NFIA: variants seen among roughly 807,000 people sequenced by gnomAD.
NFIA encodes the protein nuclear factor I A.
NFIA carries 8 observed loss-of-function variants against 62.8 expected under a neutral mutation model. The ratio of observed to expected loss-of-function variants is 0.13; its 90% CI spans 0.07 to 0.23. The LOEUF is 0.23. Among genes scored for constraint, NFIA ranks in the 10% least tolerant of loss-of-function variants. The pLI, the probability that NFIA is intolerant of heterozygous loss-of-function variation, is 1.00. For missense variants in NFIA, 410 were observed against 642.1 expected (o/e 0.64, Z 3.91); for synonymous variants, 235 against 238.1 (o/e 0.99, Z 0.12).
chr1:61,200,833 G>A (rs180873345), intron 2 of NFIA, among the ~76,000 whole-genome samples: 4 of 152,316 alleles, frequency 2.6e-5, no homozygotes, highest in Admixed American at 2.0e-4. Context: ...ATTTCTAACT[G>A]TGATAATAGC....
intron 2 of NFIA, among the ~76,000 whole-genome samples, chr1:61,092,511 C>G (rs1318084086): frequency 6.6e-6 from 1 of 152,160 alleles, no homozygotes; most frequent in African/African-American, 2.4e-5. Context: ...ACTGAAGGAG[C>G]TGTTTCAGTG....
chr1:61,277,401 A>T, intron 2 of NFIA, 119 bp from the exon 3 acceptor site: 1 of 843,792 alleles, frequency 1.2e-6, no homozygotes, highest in Non-Finnish European at 1.9e-6. Flanking sequence ...GTCTCATGTC[A>T]TTTCTGTAAT....
chr1:61,439,784 G>A (rs922498762), intron 10 of NFIA, among the ~76,000 whole-genome samples: 2 of 152,166 alleles, frequency 1.3e-5, no homozygotes, highest in Non-Finnish European at 2.9e-5. Flanking sequence ...ATGGTATTAG[G>A]AGAAACTTAT....
intron 3 of NFIA, among the ~76,000 whole-genome samples, chr1:61,313,840 T>G (rs1660236339): frequency 6.6e-6 from 1 of 152,212 alleles, no homozygotes; most frequent in Non-Finnish European, 1.5e-5. Flanking sequence ...ACTCGTGCAA[T>G]TAGGGAACAG....
At chr1:61,287,771 T>C (rs1383318355) in intron 3 of NFIA, among the ~76,000 whole-genome samples, 1 of 152,224 alleles carries the variant, frequency 6.6e-6, no homozygotes, top group Non-Finnish European at 1.5e-5. Context: ...ATTGTTTGTC[T>C]AGACCAAGTT....
chr1:61,299,718 T>A (rs1346329590), intron 3 of NFIA, among the ~76,000 whole-genome samples: 1 of 152,158 alleles, frequency 6.6e-6, no homozygotes, highest in Non-Finnish European at 1.5e-5. Context: ...AAGCTGTTTG[T>A]ATTACAATGC....
At chr1:61,297,333 T>C (rs189018520) in intron 3 of NFIA, among the ~76,000 whole-genome samples, 1 of 152,284 alleles carries the variant, frequency 6.6e-6, no homozygotes, top group African/African-American at 2.4e-5. Flanking sequence ...GGCAGTGCCA[T>C]TAACCTTAGC....
chr1:61,358,846 G>C (rs1180007356), intron 5 of NFIA, among the ~76,000 whole-genome samples: 1 of 151,994 alleles, frequency 6.6e-6, no homozygotes, highest in Non-Finnish European at 1.5e-5. Flanking sequence ...AACACTTCCA[G>C]GTGGAGGCAG....
intron 2 of NFIA, among the ~76,000 whole-genome samples, chr1:61,214,223 C>T (rs1653458674): frequency 6.6e-6 from 1 of 151,936 alleles, no homozygotes; most frequent in South Asian, 2.1e-4. Context: ...AGGAGGGGGC[C>T]CACTCTTTTG....
At chr1:61,360,255 G>A (rs925676500) in intron 6 of NFIA, among the ~76,000 whole-genome samples, 3 of 152,148 alleles carry the variant, frequency 2.0e-5, no homozygotes, top group Non-Finnish European at 4.4e-5. Flanking sequence ...CCTTTCCAAT[G>A]TCTAACACGT....
intron 3 of NFIA, among the ~76,000 whole-genome samples, chr1:61,309,280 T>C (rs969642647): frequency 4.7e-5 from 7 of 150,324 alleles, no homozygotes; most frequent in African/African-American, 1.7e-4. Flanking sequence ...AATCTTGGAG[T>C]CTTGACTCCT....
intron 2 of NFIA, among the ~76,000 whole-genome samples, chr1:61,256,205 A>T (rs901231154): frequency 2.0e-5 from 3 of 152,042 alleles, no homozygotes; most frequent in Non-Finnish European, 4.4e-5. Flanking sequence ...AGGCGGGTGG[A>T]TCATTTGAGG....
chr1:61,094,193 T>C (rs1224684502), intron 2 of NFIA, among the ~76,000 whole-genome samples: 1 of 152,240 alleles, frequency 6.6e-6, no homozygotes, highest in Non-Finnish European at 1.5e-5. Flanking sequence ...GAGCTTGCTT[T>C]TGAATTATTA....
At chr1:61,266,015 T>C (rs1657139368) in intron 2 of NFIA, among the ~76,000 whole-genome samples, 1 of 152,234 alleles carries the variant, frequency 6.6e-6, no homozygotes, top group South Asian at 2.1e-4. Flanking sequence ...ATGAGAGTCT[T>C]AGCCTTGAAT....
chr1:61,207,682 A>T (rs549331453), intron 2 of NFIA, among the ~76,000 whole-genome samples: 1 of 152,058 alleles, frequency 6.6e-6, no homozygotes, highest in Admixed American at 6.5e-5. Flanking sequence ...GTGAAGTGGG[A>T]TTTTTGTGGC....
intron 2 of NFIA, among the ~76,000 whole-genome samples, chr1:61,207,974 CTTTTTT>C (rs11444962): frequency 3.5e-5 from 4 of 115,432 alleles, no homozygotes; most frequent in South Asian, 5.5e-4. Context: ...TGCACTGAAC[CTTTTTT>C]TTTTTTTTTT....
intron 2 of NFIA, among the ~76,000 whole-genome samples, chr1:61,190,295 C>A (rs1244683994): frequency 6.6e-6 from 1 of 152,176 alleles, no homozygotes; most frequent in African/African-American, 2.4e-5. Context: ...CTAATTAATT[C>A]TTTCCGCAGC....
intron 2 of NFIA, among the ~76,000 whole-genome samples, chr1:61,101,173 A>G (rs543818487): frequency 1.3e-5 from 2 of 152,196 alleles, no homozygotes; most frequent in African/African-American, 4.8e-5. Flanking sequence ...AGGCAGGCAC[A>G]TCACCTGAGG....
chr1:61,222,795 C>T (rs756116026), intron 2 of NFIA, among the ~76,000 whole-genome samples: 22 of 151,988 alleles, frequency 1.4e-4, no homozygotes, highest in Non-Finnish European at 2.8e-4. Flanking sequence ...AGTGAGCTCT[C>T]ATTTATTATA....
Sources: gnomAD v4.1 joint callset for allele counts (sites outside exome capture counted in the v4.1 genomes callset) on GRCh38, gnomAD v4.1.1 for gene constraint, MANE v1.5 for transcripts, NCBI Gene and HGNC (gene_info 2026-07-23, HGNC 2026-07-21) for gene names.